BCKDHB: variants seen among roughly 807,000 people sequenced by gnomAD.
BCKDHB encodes 2-oxoisovalerate dehydrogenase subunit beta, mitochondrial.
In BCKDHB, 41 loss-of-function variants were observed where a neutral mutation model predicts 48.5. The observed-to-expected ratio is 0.85, with a 90% confidence interval of 0.66 to 1.10. BCKDHB has a LOEUF of 1.10. Ranked by LOEUF, BCKDHB falls within the 50% of genes least tolerant of loss-of-function variation. The pLI is 0.00. For missense variants in BCKDHB, 496 were observed against 494.2 expected, an observed-to-expected ratio of 1.00 and a Z score of -0.03; for synonymous variants, 201 against 174.8, an observed-to-expected ratio of 1.15 and a Z score of -1.18.
intron 1 of BCKDHB, among the ~76,000 whole-genome samples, chr6:80,121,235 T>G (rs1582177558): frequency 6.6e-6 from 1 of 152,228 alleles, no homozygotes. Context: ...TCTGTTTTGG[T>G]ACCAGTACCA....
the BCKDHB span, among the ~76,000 whole-genome samples, chr6:80,415,233 T>A: frequency 1.3e-5 from 2 of 152,168 alleles, no homozygotes; most frequent in African/African-American, 4.8e-5. Flanking sequence ...CTTCCTCTTT[T>A]ACTATTTGGA....
At chr6:80,291,640 C>T (rs1766920825) in intron 9 of BCKDHB, among the ~76,000 whole-genome samples, 1 of 152,126 alleles carries the variant, frequency 6.6e-6, no homozygotes, top group Admixed American at 6.5e-5. Flanking sequence ...CTAATTTCTA[C>T]ATTATCCATC....
the BCKDHB span, among the ~76,000 whole-genome samples, chr6:80,375,370 G>A: frequency 7.6e-4 from 116 of 152,006 alleles, no homozygotes; most frequent in Non-Finnish European, 1.3e-3. Context: ...CTTTGTCTTT[G>A]TCAGATCGGG....
At chr6:80,273,109 C>T (rs759198446) in intron 8 of BCKDHB, 26 bp from the exon 9 acceptor site, 4 of 1,559,742 alleles carry the variant, frequency 2.6e-6, no homozygotes, top group East Asian at 2.2e-5. Flanking sequence ...TTCTTTTTAA[C>T]ATCAGGTTTT....
intron 8 of BCKDHB, among the ~76,000 whole-genome samples, chr6:80,269,422 A>C (rs999223965): frequency 6.6e-6 from 1 of 152,148 alleles, no homozygotes; most frequent in East Asian, 1.9e-4. Context: ...CTTTTAGAAC[A>C]AATCTTTTGT....
At chr6:80,421,373 G>C in the BCKDHB span, among the ~76,000 whole-genome samples, 1 of 152,236 alleles carries the variant, frequency 6.6e-6, no homozygotes, top group South Asian at 2.1e-4. Flanking sequence ...TATTTTTATA[G>C]GATTGTGGAA....
chr6:80,168,275 C>G (rs1772677277), intron 4 of BCKDHB, among the ~76,000 whole-genome samples: 1 of 150,542 alleles, frequency 6.6e-6, no homozygotes, highest in Non-Finnish European at 1.5e-5. Context: ...GAATGAGACC[C>G]TTTCTCAAAA....
chr6:80,119,914 G>A (rs962699827), intron 1 of BCKDHB, among the ~76,000 whole-genome samples: 2 of 150,732 alleles, frequency 1.3e-5, no homozygotes, highest in African/African-American at 2.4e-5. Context: ...TGTACACAAC[G>A]TGCAGGTTTG....
intron 1 of BCKDHB, chr6:80,127,160 G>A: frequency 4.0e-6 from 1 of 251,606 alleles, no homozygotes; most frequent in South Asian, 4.9e-5. Context: ...TTTAGCACAT[G>A]CCACTGGTCA....
chr6:80,312,901 A>G (rs992073256), intron 9 of BCKDHB, among the ~76,000 whole-genome samples: 2 of 151,964 alleles, frequency 1.3e-5, no homozygotes, highest in Non-Finnish European at 2.9e-5. Context: ...TTGTTGTTGT[A>G]TCTCTTCCAG....
intron 9 of BCKDHB, among the ~76,000 whole-genome samples, chr6:80,332,896 C>T (rs2322752): frequency 0.78 from 117,064 of 150,826 alleles, 45,801 homozygotes; most frequent in Admixed American, 0.84. Context: ...CTTCCTCTTA[C>T]TTGCTCATCT....
chr6:80,416,515 T>C, the BCKDHB span, among the ~76,000 whole-genome samples: 1 of 152,030 alleles, frequency 6.6e-6, no homozygotes, highest in Non-Finnish European at 1.5e-5. Context: ...CTTCTTGATT[T>C]CTGCTTTAAT....
chr6:80,193,471 C>A (rs1773993089), intron 6 of BCKDHB, among the ~76,000 whole-genome samples: 1 of 152,064 alleles, frequency 6.6e-6, no homozygotes, highest in Non-Finnish European at 1.5e-5. Context: ...GTAATCCCAG[C>A]ACTTTGGGAG....
At chr6:80,202,372 A>G (rs1196705480) in intron 7 of BCKDHB, among the ~76,000 whole-genome samples, 2 of 152,104 alleles carry the variant, frequency 1.3e-5, no homozygotes, top group Admixed American at 6.6e-5. Context: ...TCTCTTCACT[A>G]TTTAAAGATT....
At chr6:80,219,607 G>A (rs184772705) in intron 8 of BCKDHB, among the ~76,000 whole-genome samples, 97 of 152,166 alleles carry the variant, frequency 6.4e-4, no homozygotes, top group African/African-American at 2.3e-3. Context: ...ACTCTTAAAG[G>A]CACCATTTCC....
At chr6:80,107,414 A>G (rs914419742) in intron 1 of BCKDHB, among the ~76,000 whole-genome samples, 2 of 96,952 alleles carry the variant, frequency 2.1e-5, no homozygotes, top group Non-Finnish European at 4.3e-5. Flanking sequence ...ACATACAGAA[A>G]TTGTGTGTAT....
chr6:80,157,055 T>G (rs571536416), intron 3 of BCKDHB, among the ~76,000 whole-genome samples: 1 of 152,312 alleles, frequency 6.6e-6, no homozygotes, highest in East Asian at 1.9e-4. Context: ...CCCTTAAAAG[T>G]TGTATATCTA....
At chr6:80,375,705 T>G in the BCKDHB span, among the ~76,000 whole-genome samples, 1 of 152,320 alleles carries the variant, frequency 6.6e-6, no homozygotes, top group South Asian at 2.1e-4. Context: ...TAGTATGATC[T>G]CTTGGGTGTG....
chr6:80,380,796 A>G, the BCKDHB span, among the ~76,000 whole-genome samples: 82 of 152,162 alleles, frequency 5.4e-4, 1 homozygote, highest in Middle Eastern at 3.4e-3. Context: ...GTTTCTCAAA[A>G]AAAGAAGTAC....
Sources: gnomAD v4.1 joint callset for allele counts (sites outside exome capture counted in the v4.1 genomes callset) on GRCh38, gnomAD v4.1.1 for gene constraint, MANE v1.5 for transcripts, NCBI Gene and HGNC (gene_info 2026-07-23, HGNC 2026-07-21) for gene names.